The following SGCD variants were observed in gnomAD, a reference collection of about 807,000 sequenced individuals.
SGCD encodes sarcoglycan delta.
SGCD carries 18 observed loss-of-function variants against 36.6 expected under a neutral mutation model. That is an observed-to-expected ratio of 0.49 (90% CI 0.34 to 0.73). The LOEUF (loss-of-function observed/expected upper bound fraction) is 0.73. SGCD is among the 30% of genes least tolerant of loss of function. The pLI, the probability that SGCD is intolerant of heterozygous loss-of-function variation, is 0.01. For synonymous variants in SGCD, 133 were observed against 130.6 expected (o/e 1.02, Z -0.12); for missense variants, 387 against 346.7 (o/e 1.12, Z -0.92).
At chr5:156,239,363 G>T (rs990612168) in intron 3 of SGCD, among the ~76,000 whole-genome samples, 1 of 128,046 alleles carries the variant, frequency 7.8e-6, no homozygotes, top group African/African-American at 3.0e-5. Flanking sequence ...TTGCGCCACT[G>T]CCCTCCAACC....
rs1221244913 is a variant in SGCD, at chr5:156,231,451, G to A, written c.-43-98083G>A. Among the ~76,000 whole-genome samples the A allele has an allele frequency of 5.3e-5, 8 of 152,132 alleles. No individual in the cohort carries two copies. The South Asian group carries it at 6.2e-4, about 12-fold the overall frequency. ...CTTGGGAGGCTGAGGCAGGAGAATC[G>A]CTTGATCCTGGAAGGCGGAGGTTGC... On this transcript the variant is annotated intron_variant, in intron 3 of 9. Coordinates refer to the SGCD transcript ENST00000517913.
intron 7 of SGCD, among the ~76,000 whole-genome samples, chr5:156,756,787 G>A (rs529952598): frequency 4.7e-4 from 71 of 152,108 alleles, no homozygotes; most frequent in Non-Finnish European, 9.0e-4. Flanking sequence ...ATCAAGTTCC[G>A]TCACACAAAA....
At chr5:156,304,639 A>C (rs1458768976) in intron 3 of SGCD, among the ~76,000 whole-genome samples, 2 of 152,232 alleles carry the variant, frequency 1.3e-5, no homozygotes, top group Non-Finnish European at 2.9e-5. Context: ...AAAGATACCC[A>C]AAAATGTGGA....
intron 1 of SGCD, among the ~76,000 whole-genome samples, chr5:155,922,618 T>C: frequency 6.6e-6 from 1 of 152,166 alleles, no homozygotes; most frequent in Non-Finnish European, 1.5e-5. Context: ...AAGTTATATT[T>C]GGTCAATATT....
At chr5:155,986,986 C>T (rs1012015894) in intron 1 of SGCD, among the ~76,000 whole-genome samples, 1 of 152,090 alleles carries the variant, frequency 6.6e-6, no homozygotes, top group Non-Finnish European at 1.5e-5. Context: ...AATCATATTT[C>T]TCACTTAGGT....
chr5:155,900,250 T>C (rs1202055616), intron 1 of SGCD, among the ~76,000 whole-genome samples: 1 of 152,170 alleles, frequency 6.6e-6, no homozygotes, highest in African/African-American at 2.4e-5. Flanking sequence ...TTTCTACAAG[T>C]TTCTTGCAAT....
At chr5:156,718,626 A>C (rs1199270706) in intron 7 of SGCD, among the ~76,000 whole-genome samples, 4 of 151,904 alleles carry the variant, frequency 2.6e-5, no homozygotes, top group Admixed American at 6.6e-5. Flanking sequence ...AAAAAGAAAA[A>C]AATATAAATT....
chr5:156,749,806 C>T (rs1757084572), intron 7 of SGCD, among the ~76,000 whole-genome samples: 1 of 151,966 alleles, frequency 6.6e-6, no homozygotes, highest in Non-Finnish European at 1.5e-5. Context: ...TTTTCATGCC[C>T]AGAGGGTTTA....
intron 3 of SGCD, among the ~76,000 whole-genome samples, chr5:156,279,486 T>C (rs1192027530): frequency 1.3e-5 from 2 of 152,190 alleles, no homozygotes; most frequent in Non-Finnish European, 2.9e-5. Flanking sequence ...TGAGAAATAC[T>C]CAGAACAACC....
chr5:155,959,750 C>G (rs547829350), intron 1 of SGCD, among the ~76,000 whole-genome samples: 253 of 152,126 alleles, frequency 1.7e-3, no homozygotes, highest in Non-Finnish European at 3.2e-3. Context: ...TAAGTGTGTA[C>G]TATGTATTAG....
At chr5:155,918,311 C>G (rs983120885) in intron 1 of SGCD, among the ~76,000 whole-genome samples, 16 of 152,122 alleles carry the variant, frequency 1.1e-4, no homozygotes, top group South Asian at 2.1e-4. Context: ...GCCTGTAATC[C>G]CAGCACTTTG....
At chr5:156,384,782 T>C (rs566259934) in intron 3 of SGCD, among the ~76,000 whole-genome samples, 1 of 152,330 alleles carries the variant, frequency 6.6e-6, no homozygotes, top group East Asian at 1.9e-4. Context: ...TGCAACACTA[T>C]GAAGACAAAT....
chr5:156,251,765 C>A (rs1581196512), intron 3 of SGCD, among the ~76,000 whole-genome samples: 1 of 152,136 alleles, frequency 6.6e-6, no homozygotes, highest in African/African-American at 2.4e-5. Context: ...CCTCCCACCT[C>A]GCCCTCCCAA....
chr5:155,824,419 A>G, the SGCD span, among the ~76,000 whole-genome samples: 6 of 152,138 alleles, frequency 3.9e-5, no homozygotes, highest in Admixed American at 1.3e-4. Context: ...ATTGTAACAG[A>G]TAAAAGTTGG....
chr5:155,906,235 C>T (rs975274268), intron 1 of SGCD, among the ~76,000 whole-genome samples: 7 of 152,088 alleles, frequency 4.6e-5, no homozygotes, highest in African/African-American at 1.7e-4. Context: ...GACTGCTCCA[C>T]CTGCAGGCCG....
chr5:156,511,027 G>C (rs1281952263), intron 4 of SGCD, among the ~76,000 whole-genome samples: 1 of 152,092 alleles, frequency 6.6e-6, no homozygotes, highest in Non-Finnish European at 1.5e-5. Context: ...AGCTTAAAAA[G>C]TAACAATACT....
chr5:155,929,887 CT>C (rs1218962711), intron 1 of SGCD, among the ~76,000 whole-genome samples: 1 of 152,074 alleles, frequency 6.6e-6, no homozygotes, highest in African/African-American at 2.4e-5. Context: ...TTCTACTTAT[CT>C]TGTTTTGATC....
chr5:155,854,977 G>A, the SGCD span, among the ~76,000 whole-genome samples: 1 of 152,126 alleles, frequency 6.6e-6, no homozygotes, highest in East Asian at 1.9e-4. Flanking sequence ...CAAGGTGGGT[G>A]CCATGACTTG....
At chr5:156,535,280 C>A (rs1758058559) in intron 4 of SGCD, among the ~76,000 whole-genome samples, 1 of 152,140 alleles carries the variant, frequency 6.6e-6, no homozygotes, top group Non-Finnish European at 1.5e-5. Flanking sequence ...AGGTAGGTAG[C>A]CCCAGTTGGC....
Sources: gnomAD v4.1 joint callset for allele counts (sites outside exome capture counted in the v4.1 genomes callset) on GRCh38, gnomAD v4.1.1 for gene constraint, MANE v1.5 for transcripts, NCBI Gene and HGNC (gene_info 2026-07-23, HGNC 2026-07-21) for gene names.